IRF2: variants seen among roughly 807,000 people sequenced by gnomAD.
IRF2 encodes the protein interferon regulatory factor 2.
Under a neutral mutation model 40.6 loss-of-function variants are expected in IRF2, and 15 were observed. The observed-to-expected ratio is 0.37, with a 90% CI of 0.25 to 0.57. The LOEUF (loss-of-function observed/expected upper bound fraction) is 0.57, where lower values mean the gene tolerates loss of function less well. Among genes scored for constraint, IRF2 ranks in the 20% least tolerant of loss-of-function variants. The pLI is 0.77. For synonymous variants in IRF2, 151 were observed against 165.5 expected (o/e 0.91, Z 0.67); for missense variants, 317 against 455.7 (o/e 0.70, Z 2.77).
At chr4:184,442,195 G>A (rs1015164794) in intron 1 of IRF2, among the ~76,000 whole-genome samples, 20 of 152,084 alleles carry the variant, frequency 1.3e-4, no homozygotes, top group African/African-American at 4.3e-4. Flanking sequence ...CTTTCCCAGC[G>A]AGTGGGCATC....
At chr4:184,391,627 C>T (rs1012670766) in intron 7 of IRF2, among the ~76,000 whole-genome samples, 2 of 152,224 alleles carry the variant, frequency 1.3e-5, no homozygotes, top group African/African-American at 4.8e-5. Context: ...TCAGATGAGA[C>T]AGCAGCTGTA....
Position 184,388,747 on chromosome 4 carries a change from G to A in IRF2, c.*11C>T, listed in dbSNP as rs988198072. 2 of 1,589,718 alleles carry A rather than the reference G, an allele frequency of 1.3e-6. No individual in the cohort carries two copies. The highest frequency in any genetic ancestry group is 1.7e-6 in the Non-Finnish European group (2 of 1,174,244). On this transcript the variant is annotated 3_prime_UTR_variant, in exon 9 of 9. Transcript: ENST00000393593. This position sits in a 1 kb window ranked among gnomAD's most constrained non-coding sequence, Gnocchi z 4.6. ...AAGAAGCCCCAACAACCACCGCGGA[G>A]AGTCAGAGGCTTAACAGCTCTTGAC...
intron 1 of IRF2, among the ~76,000 whole-genome samples, chr4:184,468,673 G>A (rs1268731744): frequency 6.6e-6 from 1 of 152,182 alleles, no homozygotes; most frequent in African/African-American, 2.4e-5. Context: ...TTGGCCCTGG[G>A]AAGAGATCCT....
intron 3 of IRF2, 130 bp from the exon 4 acceptor site, chr4:184,418,838 G>A: frequency 1.4e-6 from 1 of 727,602 alleles, no homozygotes; most frequent in Non-Finnish European, 2.2e-6. Context: ...TACCTCCAGT[G>A]ACCAATCGTC....
At chr4:184,425,976 GTTTT>G (rs199619909) in intron 2 of IRF2, among the ~76,000 whole-genome samples, 134 of 67,104 alleles carry the variant, frequency 2.0e-3, no homozygotes, top group Middle Eastern at 0.018. Flanking sequence ...GCTCACTCCG[GTTTT>G]TGTTTGTTTG....
Position 184,398,917 on chromosome 4 carries a change from G to C in IRF2, c.692C>G (p.Ala231Gly), listed in dbSNP as rs1269224326. ...PLQISPVSSY[A>G]ESETTDSVPS... is the part of the protein sequence containing the mutation. ...CGGAGCCTCCCGCTGACGCTTACCT[G>C]CATAGGAAGACACGGGGGAGATCTG... The change falls in exon 7 of 9, where the codon GCA becomes GGA. Residue 231 changes from alanine to glycine, a missense_variant and splice_region_variant. Physicochemically the swap from Ala to Gly is moderately conservative, Grantham distance 60 (BLOSUM62 0). Coordinates refer to ENST00000393593, the MANE Select transcript of IRF2 (RefSeq NM_002199.4). The C allele has an allele frequency of 6.2e-7, 1 of 1,602,292 alleles. No homozygotes were observed. Among genetic ancestry groups the C allele is most frequent in the South Asian group, 1.1e-5 (1 of 89,806 alleles).
intron 1 of IRF2, among the ~76,000 whole-genome samples, chr4:184,454,596 C>CGGATCT (rs1339391693): frequency 6.6e-6 from 1 of 152,162 alleles, no homozygotes; most frequent in East Asian, 1.9e-4. Context: ...GTGGGAGGGT[C>CGGATCT]GGATCTGGCA....
At chr4:184,428,867 T>G in intron 2 of IRF2, 111 bp downstream of exon 2, 1 of 887,600 alleles carries the variant, frequency 1.1e-6, no homozygotes, top group Non-Finnish European at 1.9e-6. Flanking sequence ...CTGGTTTTTG[T>G]CATGAATAAG....
intron 1 of IRF2, among the ~76,000 whole-genome samples, chr4:184,469,494 T>C (rs866805802): frequency 6.6e-6 from 1 of 151,616 alleles, no homozygotes; most frequent in Non-Finnish European, 1.5e-5. Context: ...CTGGGCAACA[T>C]AGCGAGACCC....
At chr4:184,424,254 T>G (rs575964465) in intron 2 of IRF2, among the ~76,000 whole-genome samples, 77 of 152,348 alleles carry the variant, frequency 5.1e-4, no homozygotes, top group Middle Eastern at 3.4e-3. Flanking sequence ...TATAATGCAC[T>G]TTTCCAAACT....
chr4:184,454,592 G>C (rs750935110), intron 1 of IRF2, among the ~76,000 whole-genome samples: 1 of 152,162 alleles, frequency 6.6e-6, no homozygotes, highest in Non-Finnish European at 1.5e-5. Flanking sequence ...AGAGGTGGGA[G>C]GGTCGGATCT....
chr4:184,433,540 G>C (rs1358194639), intron 1 of IRF2, among the ~76,000 whole-genome samples: 1 of 152,072 alleles, frequency 6.6e-6, no homozygotes, highest in African/African-American at 2.4e-5. Context: ...TCTTCAATCA[G>C]GACTGTTACT....
At chr4:184,403,573 A>G (rs548614900) in intron 6 of IRF2, among the ~76,000 whole-genome samples, 8 of 152,318 alleles carry the variant, frequency 5.3e-5, no homozygotes, top group African/African-American at 1.9e-4. Context: ...ACAAGACAGA[A>G]CTACATGACT....
At chr4:184,462,113 A>C (rs1258191393) in intron 1 of IRF2, among the ~76,000 whole-genome samples, 1 of 152,220 alleles carries the variant, frequency 6.6e-6, no homozygotes, top group African/African-American at 2.4e-5. Context: ...CAGGACTATT[A>C]TTTTAAAGTG....
chr4:184,431,069 C>G (rs918781815), intron 1 of IRF2, among the ~76,000 whole-genome samples: 2 of 152,196 alleles, frequency 1.3e-5, no homozygotes, highest in Non-Finnish European at 2.9e-5. Context: ...ACTGCCAGGC[C>G]CAGGCCAGCT....
At chr4:184,398,643 G>A (rs1211267352) in intron 7 of IRF2, among the ~76,000 whole-genome samples, 10 of 149,106 alleles carry the variant, frequency 6.7e-5, no homozygotes, top group South Asian at 2.1e-4. Flanking sequence ...GAGACAGAGC[G>A]AGACTCTGTC....
intron 4 of IRF2, 84 bp from the exon 5 acceptor site, chr4:184,418,297 A>G (rs1428180191): frequency 1.6e-5 from 18 of 1,133,080 alleles, no homozygotes; most frequent in Non-Finnish European, 2.3e-5. Flanking sequence ...TCTTTCTGAA[A>G]CTCTCAATGA....
At chr4:184,443,421 T>C (rs748165217) in intron 1 of IRF2, among the ~76,000 whole-genome samples, 3 of 152,192 alleles carry the variant, frequency 2.0e-5, no homozygotes, top group African/African-American at 4.8e-5. Flanking sequence ...CTCATGTCCA[T>C]GTGTACTCAG....
chr4:184,422,972 T>C lies in IRF2; in HGVS notation c.88-3404A>G, dbSNP rs560809919. Among the ~76,000 whole-genome samples, 3 of 152,218 alleles carry C rather than the reference T, an allele frequency of 2.0e-5. No homozygotes were observed. In the South Asian group the frequency reaches 6.2e-4, roughly 32 times the overall value. ...TCACCTTTACCTAGTTTTTCATACT[T>C]CAGGAAAAAAAAGAAAAGACTAATA... On this transcript the variant is annotated intron_variant, in intron 2 of 8. Transcript: ENST00000393593.
Sources: gnomAD v4.1 joint callset for allele counts (sites outside exome capture counted in the v4.1 genomes callset) on GRCh38, gnomAD v4.1.1 for gene constraint, Gnocchi (gnomAD v3.1) non-coding constraint, MANE v1.5 for transcripts, NCBI Gene and HGNC (gene_info 2026-07-23, HGNC 2026-07-21) for gene names.